The following TRIM55 variants were observed in gnomAD, a reference collection of about 807,000 sequenced individuals.
The protein encoded by TRIM55 is tripartite motif containing 55.
Under a neutral mutation model 60.9 loss-of-function variants are expected in TRIM55, and 50 were observed. The observed-to-expected ratio is 0.82, with a 90% CI of 0.65 to 1.04. The LOEUF (loss-of-function observed/expected upper bound fraction) is 1.04, where lower values mean the gene tolerates loss of function less well. Ranked by LOEUF, TRIM55 falls within the 50% of genes least tolerant of loss-of-function variation. TRIM55 has a pLI of 0.00. For synonymous variants in TRIM55, 237 were observed against 238.1 expected, an observed-to-expected ratio of 1.00 and a Z score of 0.04; for missense variants, 681 against 666.9, an observed-to-expected ratio of 1.02 and a Z score of -0.23.
At position 66,171,031 on chromosome 8, in the gene TRIM55, T is replaced by A. The variant is rs1218982508; in HGVS notation, c.1525-3440T>A. Among the ~76,000 whole-genome samples, 3 of 152,220 alleles carry A rather than the reference T, an allele frequency of 2.0e-5. No individual in the cohort carries two copies. In the East Asian group the frequency reaches 5.8e-4, roughly 29 times the overall value. ...TGCCTAACCCAAACTGAGGTTCGTGTCTAAGTACGTTCTGTAATGTTTACA... is the reference window on the plus strand; with the variant it reads ...TGCCTAACCCAAACTGAGGTTCGTGACTAAGTACGTTCTGTAATGTTTACA... On this transcript the variant is annotated intron_variant, in intron 9 of 9. Coordinates refer to ENST00000315962, the MANE Select transcript of TRIM55 (RefSeq NM_184085.2).
intron 7 of TRIM55, among the ~76,000 whole-genome samples, chr8:66,150,747 A>G (rs1810374580): frequency 6.6e-6 from 1 of 151,734 alleles, no homozygotes; most frequent in Non-Finnish European, 1.5e-5. Context: ...GCTCACTGGA[A>G]CCTCCACCTC....
the TRIM55 span, among the ~76,000 whole-genome samples, chr8:66,114,209 A>G: frequency 1.3e-5 from 2 of 151,664 alleles, no homozygotes; most frequent in Non-Finnish European, 2.9e-5. Flanking sequence ...CTCAAATGGT[A>G]GAGCGCTCGC....
chr8:66,135,684 G>A (rs557711464), intron 3 of TRIM55, among the ~76,000 whole-genome samples: 18 of 152,178 alleles, frequency 1.2e-4, no homozygotes, highest in African/African-American at 4.3e-4. Flanking sequence ...ACACAGACTT[G>A]TGCTGGCCCT....
At chr8:66,155,686 C>T in intron 9 of TRIM55, 1 of 1,612,282 alleles carries the variant, frequency 6.2e-7, no homozygotes, top group African/African-American at 1.3e-5. Context: ...GAGTCAGATT[C>T]AGTGCTTGAT....
chr8:66,155,436 G>A (rs545998184), intron 9 of TRIM55, among the ~76,000 whole-genome samples: 19 of 152,320 alleles, frequency 1.2e-4, no homozygotes, highest in African/African-American at 4.6e-4. Flanking sequence ...TCTAGAAAAT[G>A]TGTGGCAATT....
At chr8:66,138,731 T>C (rs1262158105) in intron 4 of TRIM55, among the ~76,000 whole-genome samples, 1 of 152,222 alleles carries the variant, frequency 6.6e-6, no homozygotes, top group African/African-American at 2.4e-5. Flanking sequence ...TACAAGGAGA[T>C]TCAGTTTCTC....
chr8:66,118,168 CAAAAAAAAAAAAAA>C, the TRIM55 span, among the ~76,000 whole-genome samples: 1,108 of 39,912 alleles, frequency 0.028, 29 homozygotes, highest in South Asian at 0.069. Flanking sequence ...GACTCCGTCT[CAAAAAAAAAAAAAA>C]AAAAAAAAAA....
chr8:66,149,160 G>A (rs1488771344), intron 4 of TRIM55, among the ~76,000 whole-genome samples: 1 of 152,160 alleles, frequency 6.6e-6, no homozygotes, highest in African/African-American at 2.4e-5. Context: ...TAGCTGCAGA[G>A]GCCTTTGGGA....
chr8:66,152,752 A>T, intron 8 of TRIM55, 125 bp downstream of exon 8: 1 of 1,298,568 alleles, frequency 7.7e-7, no homozygotes, highest in Non-Finnish European at 1.0e-6. Flanking sequence ...CGTATATGGT[A>T]GACGAAAGAT....
the TRIM55 span, among the ~76,000 whole-genome samples, chr8:66,118,154 G>A: frequency 8.5e-6 from 1 of 117,044 alleles, no homozygotes; most frequent in African/African-American, 3.5e-5. Flanking sequence ...GGGGGACAGA[G>A]CGAGACTCCG....
intron 9 of TRIM55, chr8:66,155,583 G>A (rs1206800863): frequency 2.9e-6 from 4 of 1,388,706 alleles, no homozygotes; most frequent in South Asian, 2.4e-5. Context: ...ATAATTATTT[G>A]TGATAATATC....
At chr8:66,151,666 A>G (rs182057435) in intron 7 of TRIM55, among the ~76,000 whole-genome samples, 6,287 of 152,022 alleles carry the variant, frequency 0.041, 419 homozygotes, top group African/African-American at 0.14. Context: ...ACATGGTGAA[A>G]CCCCATCTCT....
At position 66,127,316 on chromosome 8, in the gene TRIM55, C is replaced by T. The variant is rs1808862921; in HGVS notation, c.48C>T (p.Thr16=). ...NYKSFSKEQQ[T]MDNLEKQLIC... ...AATCTTTTTCCAAAGAGCAGCAGACCATGGATAACTTAGAGAAGCAACTCA... is the reference window on the plus strand; with the variant it reads ...AATCTTTTTCCAAAGAGCAGCAGACTATGGATAACTTAGAGAAGCAACTCA... The change falls in exon 1 of 10, where the codon ACC becomes ACT. Residue 16 remains threonine (T), a synonymous_variant. Transcript: ENST00000315962. 1 of 1,614,016 alleles carries T rather than the reference C, an allele frequency of 6.2e-7. No homozygotes were observed. The highest frequency in any genetic ancestry group is 1.7e-5 in the Admixed American group (1 of 59,996).
chr8:66,128,922 A>G (rs568011972), intron 2 of TRIM55, among the ~76,000 whole-genome samples: 1 of 152,218 alleles, frequency 6.6e-6, no homozygotes, highest in East Asian at 1.9e-4. Flanking sequence ...CCTAGTTCAG[A>G]CAGTCTTGCC....
At chr8:66,118,013 A>G in the TRIM55 span, among the ~76,000 whole-genome samples, 47 of 151,118 alleles carry the variant, frequency 3.1e-4, 1 homozygote, top group African/African-American at 1.1e-3. Context: ...AAAAAATACA[A>G]AAAAACTTAC....
chr8:66,120,779 T>C, the TRIM55 span, among the ~76,000 whole-genome samples: 1 of 152,334 alleles, frequency 6.6e-6, no homozygotes. Context: ...ATTTGTATTC[T>C]TTTTGGCTCT....
the TRIM55 span, chr8:66,114,507 A>G: frequency 4.4e-6 from 2 of 455,056 alleles, no homozygotes; most frequent in Admixed American, 2.4e-5. Flanking sequence ...TTGCCGTCAC[A>G]TGTATTATCA....
At chr8:66,141,317 TC>T (rs1809804109) in intron 4 of TRIM55, among the ~76,000 whole-genome samples, 1 of 152,006 alleles carries the variant, frequency 6.6e-6, no homozygotes, top group African/African-American at 2.4e-5. Flanking sequence ...GAGCCGTGAG[TC>T]TTTTTACCTC....
intron 9 of TRIM55, among the ~76,000 whole-genome samples, chr8:66,169,305 C>T (rs570516979): frequency 1.1e-4 from 17 of 152,298 alleles, no homozygotes; most frequent in Non-Finnish European, 1.2e-4. Flanking sequence ...ATCCACCAAT[C>T]TGCACCCAGT....
Sources: allele counts gnomAD v4.1 joint callset (sites outside exome capture counted in the v4.1 genomes callset), GRCh38; gene constraint gnomAD v4.1.1; transcripts MANE v1.5; gene names NCBI Gene and HGNC (gene_info 2026-07-23, HGNC 2026-07-21).